Variants in RANBP2 observed in about 807,000 individuals in gnomAD.
The protein encoded by RANBP2 is RAN binding protein 2.
Under a neutral mutation model 303.6 loss-of-function variants are expected in RANBP2, and 57 were observed. That is an observed-to-expected ratio of 0.19 (90% CI 0.15 to 0.23). The LOEUF is 0.23. Among genes scored for constraint, RANBP2 ranks in the 10% least tolerant of loss-of-function variants. The pLI is 1.00. For missense variants in RANBP2, 3,138 were observed against 3,780.8 expected (o/e 0.83, Z 4.46); for synonymous variants, 1,167 against 1,301.5 (o/e 0.90, Z 2.23).
chr2:108,719,752 C>T, intron 1 of RANBP2, 74 bp downstream of exon 1: 1 of 1,544,390 alleles, frequency 6.5e-7, no homozygotes, highest in Non-Finnish European at 8.7e-7. Flanking sequence ...GGCGTCATGG[C>T]TCCCGACGGG....
chr2:109,665,202 C>A, the RANBP2 span: 1 of 152,840 alleles, frequency 6.5e-6, no homozygotes, highest in South Asian at 1.9e-4. Context: ...GCAGGTGCGG[C>A]TTTGAGATGC....
At chr2:109,673,587 G>A in the RANBP2 span, among the ~76,000 whole-genome samples, 1 of 152,204 alleles carries the variant, frequency 6.6e-6, no homozygotes, top group Non-Finnish European at 1.5e-5. Flanking sequence ...ATGTGGGCTG[G>A]GTGCAGTGGC....
chr2:108,996,418 A>G, the RANBP2 span, among the ~76,000 whole-genome samples: 2 of 152,224 alleles, frequency 1.3e-5, no homozygotes, highest in East Asian at 3.8e-4. Context: ...ATGTCCAACC[A>G]CACTCCTTGG....
At chr2:109,067,005 C>T in the RANBP2 span, among the ~76,000 whole-genome samples, 2 of 152,102 alleles carry the variant, frequency 1.3e-5, no homozygotes, top group African/African-American at 2.4e-5. Context: ...AATGTTTTAT[C>T]CCAGGGCATA....
the RANBP2 span, among the ~76,000 whole-genome samples, chr2:109,310,595 C>A: frequency 1.2e-5 from 1 of 82,012 alleles, no homozygotes; most frequent in Non-Finnish European, 2.1e-5. Context: ...AGACCACTAG[C>A]AAGACTAATA....
chr2:108,929,463 C>T, the RANBP2 span: 37 of 1,430,022 alleles, frequency 2.6e-5, no homozygotes, highest in East Asian at 2.3e-4. Context: ...TGGGCAGTGA[C>T]GTGCCAGCTG....
chr2:109,646,647 A>G, the RANBP2 span, among the ~76,000 whole-genome samples: 1 of 147,442 alleles, frequency 6.8e-6, no homozygotes, highest in Non-Finnish European at 1.5e-5. Flanking sequence ...GACTGCCACC[A>G]TGACTGGCTA....
chr2:108,873,421 A>G, the RANBP2 span: 4 of 1,524,172 alleles, frequency 2.6e-6, no homozygotes, highest in Admixed American at 2.2e-5. Context: ...CTACTCCCTA[A>G]TAGTAAAGCA....
At chr2:109,302,967 C>G in the RANBP2 span, among the ~76,000 whole-genome samples, 1 of 152,116 alleles carries the variant, frequency 6.6e-6, no homozygotes, top group Non-Finnish European at 1.5e-5. Flanking sequence ...ACCTCTGCCT[C>G]CCAGGTTCAA....
chr2:109,794,856 T>C, the RANBP2 span: 18 of 141,636 alleles, frequency 1.3e-4, no homozygotes, highest in Admixed American at 5.5e-4. Context: ...CCTGGGCCCG[T>C]CCTGGCCCGG....
At chr2:108,863,119 T>C in the RANBP2 span, among the ~76,000 whole-genome samples, 1 of 152,224 alleles carries the variant, frequency 6.6e-6, no homozygotes, top group Non-Finnish European at 1.5e-5. Flanking sequence ...CTATTTTTCA[T>C]TGACAAGTTT....
the RANBP2 span, among the ~76,000 whole-genome samples, chr2:108,995,032 A>G: frequency 6.6e-6 from 1 of 151,946 alleles, no homozygotes; most frequent in Non-Finnish European, 1.5e-5. Flanking sequence ...AGGTTTCACC[A>G]TGTTAGCCAG....
the RANBP2 span, among the ~76,000 whole-genome samples, chr2:108,913,068 C>T: frequency 6.6e-6 from 1 of 151,708 alleles, no homozygotes; most frequent in Non-Finnish European, 1.5e-5. Context: ...CCTGTCTCAG[C>T]CTCCCAAGTA....
the RANBP2 span, chr2:108,930,323 A>G: frequency 1.2e-5 from 19 of 1,589,192 alleles, no homozygotes; most frequent in Non-Finnish European, 1.6e-5. Context: ...AGGTTGACAT[A>G]GGAAGGGGGT....
chr2:108,769,741 T>C (rs1677367729), intron 20 of RANBP2, among the ~76,000 whole-genome samples: 1 of 151,922 alleles, frequency 6.6e-6, no homozygotes, highest in Admixed American at 6.6e-5. Context: ...TATTTGAAAA[T>C]GGACCCCGTT....
chr2:109,378,210 C>T, the RANBP2 span, among the ~76,000 whole-genome samples: 1 of 152,232 alleles, frequency 6.6e-6, no homozygotes, highest in Non-Finnish European at 1.5e-5. Context: ...CGGGTGGGTT[C>T]ACCCACCGGC....
At chr2:109,196,449 C>G in the RANBP2 span, among the ~76,000 whole-genome samples, 1 of 152,200 alleles carries the variant, frequency 6.6e-6, no homozygotes, top group Admixed American at 6.5e-5. Flanking sequence ...TTCCTCCATC[C>G]TGGGCAGCCC....
the RANBP2 span, among the ~76,000 whole-genome samples, chr2:109,160,219 C>G: frequency 6.6e-6 from 1 of 152,168 alleles, no homozygotes; most frequent in Admixed American, 6.5e-5. Flanking sequence ...GGATGAACAG[C>G]CAGGTCAGTC....
At chr2:109,672,057 AG>A in the RANBP2 span, among the ~76,000 whole-genome samples, 2 of 152,132 alleles carry the variant, frequency 1.3e-5, no homozygotes, top group Non-Finnish European at 2.9e-5. Context: ...GACCTTAACA[AG>A]CAACAAACCA....
Sources: allele counts gnomAD v4.1 joint callset (sites outside exome capture counted in the v4.1 genomes callset), GRCh38; gene constraint gnomAD v4.1.1; transcripts MANE v1.5; gene names NCBI Gene and HGNC (gene_info 2026-07-23, HGNC 2026-07-21).